SLAMF6: variants seen among roughly 807,000 people sequenced by gnomAD.
SLAMF6 encodes SLAM family member 6.
Under a neutral mutation model 38.3 loss-of-function variants are expected in SLAMF6, and 21 were observed. That is an observed-to-expected ratio of 0.55 (90% CI 0.39 to 0.79). The LOEUF is 0.79. Among genes scored for constraint, SLAMF6 ranks in the 30% least tolerant of loss-of-function variants. The pLI is 0.00. For synonymous variants in SLAMF6, 152 were observed against 146.3 expected (o/e 1.04, Z -0.28); for missense variants, 341 against 385.3 (o/e 0.89, Z 0.96).
chr1:160,486,796 G>A (rs763227752), intron 7 of SLAMF6, 42 bp from the exon 8 acceptor site: 2 of 1,610,976 alleles, frequency 1.2e-6, no homozygotes, highest in South Asian at 1.1e-5. Flanking sequence ...AATTGGAACT[G>A]GAACCTCAGC....
chr1:160,508,826 C>G (rs971973769), intron 1 of SLAMF6, among the ~76,000 whole-genome samples: 4 of 151,552 alleles, frequency 2.6e-5, no homozygotes, highest in Admixed American at 1.3e-4. Context: ...AAAAAAAATC[C>G]CATCAAAAAG....
At chr1:160,496,788 A>G (rs746940936) in intron 1 of SLAMF6, among the ~76,000 whole-genome samples, 51 of 152,204 alleles carry the variant, frequency 3.4e-4, no homozygotes, top group Non-Finnish European at 4.1e-4. Context: ...GCATAATTAA[A>G]GCCTGATATT....
At chr1:160,487,462 T>C (rs537724573) in intron 6 of SLAMF6, among the ~76,000 whole-genome samples, 2 of 152,352 alleles carry the variant, frequency 1.3e-5, no homozygotes, top group Admixed American at 1.3e-4. Flanking sequence ...AGTATTCTTG[T>C]CCTTTGTCCA....
At chr1:160,500,659 T>C (rs544548136) in intron 1 of SLAMF6, among the ~76,000 whole-genome samples, 44 of 152,188 alleles carry the variant, frequency 2.9e-4, no homozygotes, top group Non-Finnish European at 5.6e-4. Context: ...TCCACTAGAA[T>C]GTAATCTCCA....
intron 1 of SLAMF6, among the ~76,000 whole-genome samples, chr1:160,498,889 T>C (rs762670350): frequency 2.0e-5 from 3 of 152,248 alleles, no homozygotes; most frequent in Non-Finnish European, 4.4e-5. Context: ...TCATGTCCTT[T>C]GCCCATTTTT....
chr1:160,507,861 C>A (rs1451620627), intron 1 of SLAMF6, among the ~76,000 whole-genome samples: 1 of 151,784 alleles, frequency 6.6e-6, no homozygotes, highest in East Asian at 1.9e-4. Flanking sequence ...ACAAAGCTTA[C>A]CAAAACATGG....
At chr1:160,490,039 C>G in intron 5 of SLAMF6, 159 bp downstream of exon 5, 1 of 831,108 alleles carries the variant, frequency 1.2e-6, no homozygotes, top group South Asian at 1.5e-5. Flanking sequence ...CATGTAGGAC[C>G]CATGATTACA....
chr1:160,523,038 C>A (rs772110514), intron 1 of SLAMF6, 106 bp downstream of exon 1: 75 of 1,228,774 alleles, frequency 6.1e-5, no homozygotes, highest in Non-Finnish European at 7.9e-5. Context: ...CCGCCCCAAT[C>A]CCTTGGCAGA....
At chr1:160,493,504 A>G (rs1483756831) in intron 2 of SLAMF6, among the ~76,000 whole-genome samples, 1 of 151,856 alleles carries the variant, frequency 6.6e-6, no homozygotes, top group Non-Finnish European at 1.5e-5. Flanking sequence ...ACCTTCCTCT[A>G]CTTCCCTTCC....
intron 1 of SLAMF6, among the ~76,000 whole-genome samples, chr1:160,499,859 C>T (rs1255602156): frequency 6.6e-6 from 1 of 152,190 alleles, no homozygotes; most frequent in Non-Finnish European, 1.5e-5. Context: ...TTGCTGTCAT[C>T]AACATCTTTC....
rs985218778 is a variant in SLAMF6 at position 160,486,564 on chromosome 1, G to A, written c.*143C>T. 4.0e-5 allele frequency: 31 copies of A among 772,870 alleles called. No individual in the cohort carries two copies. The highest frequency in any genetic ancestry group is 5.7e-5 in the Non-Finnish European group (27 of 474,176). 47.9% of individuals were successfully genotyped at this position (772,870 alleles called of 1,614,324 possible). On this transcript the variant is annotated 3_prime_UTR_variant, in exon 8 of 8. Transcript: ENST00000368057. ...GACTCAGGTAGGCAGGTTTAAGTCC[G>A]AAGGACTGGAGGTGATCATCCTATC...
intron 1 of SLAMF6, among the ~76,000 whole-genome samples, chr1:160,509,185 C>T (rs1654342574): frequency 6.6e-6 from 1 of 152,198 alleles, no homozygotes; most frequent in Non-Finnish European, 1.5e-5. Context: ...AATCATGCTA[C>T]TGTAAAGACA....
At position 160,499,030 on chromosome 1, in the gene SLAMF6, T is replaced by C. The variant is rs376159786; in HGVS notation, c.50-2637A>G. ...GTAAGATGTCTGTTTACGGTAATGA[T>C]AGTTTCTTTTGCTGTGCAGAAGCTC... is the stretch of plus-strand genomic sequence containing the variant. On this transcript the variant is annotated intron_variant, in intron 1 of 7. Transcript: ENST00000368057. 9.8e-5 allele frequency among the ~76,000 whole-genome samples: 15 copies of C among 152,338 alleles called. No individual in the cohort carries two copies. In the East Asian group the frequency reaches 1.9e-3, roughly 20 times the overall value.
In SLAMF6 at chr1:160,491,116, G is replaced by A. The variant is rs758424622; in HGVS notation, c.646+9C>T. The A allele has an allele frequency of 9.3e-6, 15 of 1,612,926 alleles. No homozygotes were observed. In the African/African-American group the frequency reaches 1.5e-4, roughly 16 times the overall value. ...GCTCAAGGCTCTCAGACCTGAGGCA[G>A]GCTGTTACCTTCGCAAAGCTTCTGG... is the stretch of plus-strand genomic sequence containing the variant. On this transcript the variant is annotated intron_variant, in intron 3 of 7. Coordinates refer to ENST00000368057, the MANE Select transcript of SLAMF6 (RefSeq NM_001184714.2).
At chr1:160,492,798 A>C (rs1463314818) in intron 2 of SLAMF6, among the ~76,000 whole-genome samples, 3 of 152,180 alleles carry the variant, frequency 2.0e-5, no homozygotes, top group Non-Finnish European at 4.4e-5. Flanking sequence ...CTCTGGAGTT[A>C]TCGCTGATTC....
chr1:160,486,806 C>G, intron 7 of SLAMF6, 52 bp from the exon 8 acceptor site: 1 of 1,596,342 alleles, frequency 6.3e-7, no homozygotes, highest in East Asian at 2.2e-5. Flanking sequence ...GGAACCTCAG[C>G]CCACCCCTCA....
chr1:160,509,515 G>T (rs959021477), intron 1 of SLAMF6, among the ~76,000 whole-genome samples: 5 of 151,894 alleles, frequency 3.3e-5, no homozygotes, highest in South Asian at 2.1e-4. Context: ...GGGGTGGGGA[G>T]CTGGGGGAGG....
At chr1:160,488,877 T>C (rs957016920) in intron 6 of SLAMF6, among the ~76,000 whole-genome samples, 1 of 152,130 alleles carries the variant, frequency 6.6e-6, no homozygotes, top group African/African-American at 2.4e-5. Context: ...GTTGGAGAAC[T>C]GTGTAAGGCA....
chr1:160,513,772 A>G (rs1375887337), intron 1 of SLAMF6, among the ~76,000 whole-genome samples: 1 of 152,230 alleles, frequency 6.6e-6, no homozygotes, highest in Non-Finnish European at 1.5e-5. Flanking sequence ...AAGCTTCATA[A>G]GCAAAGGAGA....
Sources: gnomAD v4.1 joint callset for allele counts (sites outside exome capture counted in the v4.1 genomes callset) on GRCh38, gnomAD v4.1.1 for gene constraint, MANE v1.5 for transcripts, NCBI Gene and HGNC (gene_info 2026-07-23, HGNC 2026-07-21) for gene names.